N4BP2L2: variants seen among roughly 807,000 people sequenced by gnomAD.
N4BP2L2 encodes NEDD4-binding protein 2-like 2.
In N4BP2L2, 50 loss-of-function variants were observed where a neutral mutation model predicts 56.2. That is an observed-to-expected ratio of 0.89 (90% CI 0.71 to 1.13). The LOEUF (loss-of-function observed/expected upper bound fraction) is 1.13, where lower values mean the gene tolerates loss of function less well. Ranked by LOEUF, N4BP2L2 falls within the 50% of genes most tolerant of loss-of-function variation. The pLI is 0.00. For synonymous variants in N4BP2L2, 203 were observed against 223.6 expected (o/e 0.91, Z 0.82); for missense variants, 689 against 693.8 (o/e 0.99, Z 0.08).
At chr13:32,521,635 T>C in intron 4 of N4BP2L2, 186 bp from the exon 5 acceptor site, 3 of 499,166 alleles carry the variant, frequency 6.0e-6, no homozygotes, top group South Asian at 6.8e-5. Flanking sequence ...TGATTACTAT[T>C]CTCAAGGAAT....
intron 6 of N4BP2L2, among the ~76,000 whole-genome samples, chr13:32,451,682 ACAGGTATGTGCCACCATGCC>A (rs2078043143): frequency 6.7e-6 from 1 of 149,924 alleles, no homozygotes; most frequent in African/African-American, 2.5e-5. Flanking sequence ...AGCTGGGACC[ACAGGTATGTGCCACCATGCC>A]CAGCTGCCCA....
chr13:32,494,671 C>T (rs1161446158), intron 6 of N4BP2L2, among the ~76,000 whole-genome samples: 1 of 152,062 alleles, frequency 6.6e-6, no homozygotes, highest in East Asian at 1.9e-4. Context: ...GAAGCTGAGG[C>T]AGGAGAATGG....
intron 6 of N4BP2L2, among the ~76,000 whole-genome samples, chr13:32,488,552 GAAAAT>G (rs1257015331): frequency 1.3e-5 from 2 of 152,048 alleles, no homozygotes; most frequent in African/African-American, 2.4e-5. Context: ...AAGTTGAAAT[GAAAAT>G]AAAATAAAAT....
exon 1 of N4BP2L2, chr13:32,538,743 A>G (rs2057265901): frequency 1.0e-6 from 1 of 985,346 alleles, no homozygotes; most frequent in Admixed American, 6.1e-5. Flanking sequence ...AGGGACTAAA[A>G]GCCCACCTCT....
At chr13:32,487,542 T>C (rs982437922) in intron 6 of N4BP2L2, among the ~76,000 whole-genome samples, 1 of 150,646 alleles carries the variant, frequency 6.6e-6, no homozygotes, top group Non-Finnish European at 1.5e-5. Context: ...CATTGTGGCA[T>C]GCGCCTGTAA....
chr13:32,498,598 T>G (rs921467428), intron 6 of N4BP2L2, among the ~76,000 whole-genome samples: 1 of 151,850 alleles, frequency 6.6e-6, no homozygotes, highest in Non-Finnish European at 1.5e-5. Context: ...TGCCTTGGCC[T>G]CCCAAAGTGC....
intron 6 of N4BP2L2, among the ~76,000 whole-genome samples, chr13:32,476,204 T>C (rs2083291813): frequency 6.6e-6 from 1 of 152,172 alleles, no homozygotes; most frequent in Non-Finnish European, 1.5e-5. Flanking sequence ...TTTGAAAACA[T>C]TTGATGAACC....
At chr13:32,536,260 A>G in exon 2 of N4BP2L2, 1 of 1,613,702 alleles carries the variant, frequency 6.2e-7, no homozygotes, top group Admixed American at 1.7e-5. Context: ...AAGTGTCACA[A>G]AATGTAGGTA....
exon 7 of N4BP2L2, chr13:32,443,203 C>T: frequency 6.2e-7 from 1 of 1,613,864 alleles, no homozygotes; most frequent in Non-Finnish European, 8.5e-7. Flanking sequence ...ATCTTCATTT[C>T]CTATCAGTAG....
rs75423524 is a variant in N4BP2L2 at position 32,464,405 on chromosome 13, T to C, written c.366-20279A>G. Among the ~76,000 whole-genome samples the C allele has an allele frequency of 5.5e-3, 837 of 152,308 alleles. 6 individuals carry two copies. Among genetic ancestry groups the C allele is most frequent in the African/African-American group, 0.019 (783 of 41,560 alleles). On this transcript the variant is annotated intron_variant, in intron 6 of 9. Transcript: ENST00000357505. Reference sequence around the variant, plus strand: ...GGGAAAATATGTTTGTGTTTTTTTCTGGCTTCTGATGGCAATTCCAACAGA... The same window carrying C: ...GGGAAAATATGTTTGTGTTTTTTTCCGGCTTCTGATGGCAATTCCAACAGA...
chr13:32,473,620 G>C (rs1377186359), intron 6 of N4BP2L2, among the ~76,000 whole-genome samples: 1 of 152,174 alleles, frequency 6.6e-6, no homozygotes, highest in African/African-American at 2.4e-5. Flanking sequence ...AGCAGGGATA[G>C]GTTCCTTTCT....
chr13:32,446,614 T>G, intron 6 of N4BP2L2: 1 of 1,021,494 alleles, frequency 9.8e-7, no homozygotes, highest in Non-Finnish European at 1.3e-6. Flanking sequence ...ATGCACTTAA[T>G]GTATAGTCAC....
chr13:32,489,048 G>A (rs907970613), intron 6 of N4BP2L2, among the ~76,000 whole-genome samples: 4 of 152,112 alleles, frequency 2.6e-5, no homozygotes, highest in African/African-American at 9.7e-5. Context: ...ACTCCAGCCC[G>A]GGTGACAGAG....
chr13:32,475,509 T>C (rs1365102609), intron 6 of N4BP2L2, among the ~76,000 whole-genome samples: 3 of 152,214 alleles, frequency 2.0e-5, no homozygotes, highest in Non-Finnish European at 4.4e-5. Context: ...ATTGGTTTAA[T>C]CAGGTATGAC....
At chr13:32,521,328 G>C (rs1299052404) in intron 5 of N4BP2L2, 45 bp downstream of exon 5, 1 of 1,377,928 alleles carries the variant, frequency 7.3e-7, no homozygotes, top group Non-Finnish European at 1.0e-6. Context: ...ATTCACAAAA[G>C]AAAGAAGAAA....
intron 9 of N4BP2L2, among the ~76,000 whole-genome samples, chr13:32,434,772 A>G (rs2075285407): frequency 6.6e-6 from 1 of 152,216 alleles, no homozygotes; most frequent in Admixed American, 6.5e-5. Context: ...CTTTCTCAAT[A>G]AAATAGTAAA....
chr13:32,441,937 G>A (rs1324533140), intron 7 of N4BP2L2, among the ~76,000 whole-genome samples: 4 of 150,900 alleles, frequency 2.7e-5, no homozygotes, highest in South Asian at 2.1e-4. Context: ...ATAGCCGGGC[G>A]TGGTGGCGGG....
intron 6 of N4BP2L2, among the ~76,000 whole-genome samples, chr13:32,445,694 A>G (rs1189137836): frequency 6.6e-6 from 1 of 152,224 alleles, no homozygotes; most frequent in African/African-American, 2.4e-5. Context: ...ACACATTACC[A>G]ATATCAGGCA....
chr13:32,452,078 T>TGGG (rs1184439380), intron 6 of N4BP2L2, among the ~76,000 whole-genome samples: 4 of 145,264 alleles, frequency 2.8e-5, no homozygotes, highest in African/African-American at 7.8e-5. Flanking sequence ...TTTTTTTTTT[T>TGGG]GGGATGGAGT....
Sources: allele counts gnomAD v4.1 joint callset (sites outside exome capture counted in the v4.1 genomes callset), GRCh38; gene constraint gnomAD v4.1.1; transcripts MANE v1.5; gene names NCBI Gene and HGNC (gene_info 2026-07-23, HGNC 2026-07-21).